PPP1R10: variants seen among roughly 807,000 people sequenced by gnomAD.
PPP1R10 encodes serine/threonine-protein phosphatase 1 regulatory subunit 10.
PPP1R10 carries 15 observed loss-of-function variants against 99.0 expected under a neutral mutation model. The ratio of observed to expected loss-of-function variants is 0.15; its 90% CI spans 0.10 to 0.23. The LOEUF (loss-of-function observed/expected upper bound fraction) is 0.23, where lower values mean the gene tolerates loss of function less well. Among genes scored for constraint, PPP1R10 ranks in the 10% least tolerant of loss-of-function variants. The probability of loss-of-function intolerance (pLI) is 1.00; values close to 1 mark genes in which losing one functional copy is unlikely to be tolerated. For synonymous variants in PPP1R10, 430 were observed against 449.5 expected (o/e 0.96, Z 0.55); for missense variants, 947 against 1,259.4 (o/e 0.75, Z 3.75).
At chr6:30,603,714 T>C (rs1200995041) in intron 15 of PPP1R10, 48 bp from the exon 16 acceptor site, 1 of 1,551,986 alleles carries the variant, frequency 6.4e-7, no homozygotes, top group African/African-American at 1.4e-5. Flanking sequence ...AGAGACATTC[T>C]CATATGAAAG....
intron 2 of PPP1R10, among the ~76,000 whole-genome samples, chr6:30,610,585 G>A (rs1034803398): frequency 6.6e-6 from 1 of 152,218 alleles, no homozygotes; most frequent in African/African-American, 2.4e-5. Context: ...GTAGGTGCCA[G>A]AGATTGAGAC....
At chr6:30,605,179 G>A (rs1803802177) in intron 10 of PPP1R10, 85 bp from the exon 11 acceptor site, 4 of 1,238,034 alleles carry the variant, frequency 3.2e-6, no homozygotes, top group Non-Finnish European at 4.6e-6. Flanking sequence ...CATAAAATGA[G>A]CCAGTGAAGA....
At position 30,604,507 on chromosome 6, in the gene PPP1R10, A is replaced by C. The variant is rs1561834433; in HGVS notation, c.1107T>G (p.Ser369=). The change falls in exon 13 of 20, where the codon TCT becomes TCG. Residue 369 remains serine, a synonymous_variant. Transcript: ENST00000376511. This position sits in a 1 kb window ranked among gnomAD's most constrained non-coding sequence, Gnocchi z 7.3. ...TGGCATCCAGAGCTCCTGGCTCCAA[A>C]GAGGCTGGAAGCAGAAGAGGTTTCA... ...VEVPELMDTA[S]LEPGALDAKP... is the part of the protein sequence containing the mutation. The C allele has an allele frequency of 6.2e-7, 1 of 1,612,992 alleles. No individual in the cohort carries two copies. Among genetic ancestry groups the C allele is most frequent in the South Asian group, 1.1e-5 (1 of 91,084 alleles).
At position 30,609,968 on chromosome 6, in the gene PPP1R10, G is replaced by A. The variant is rs1209445712; in HGVS notation, c.-11-13C>T. The A allele has an allele frequency of 3.8e-6, 6 of 1,580,488 alleles. No homozygotes were observed. Among genetic ancestry groups the A allele is most frequent in the South Asian group, 1.1e-5 (1 of 90,352 alleles). ...ATGATGGTGGTTTCTATGGTAAGAG[G>A]ACAAAACAAACAAACCCACAGAATA... On this transcript the variant is annotated splice_polypyrimidine_tract_variant and intron_variant, in intron 2 of 19. Transcript: ENST00000376511. The surrounding 1 kb of genome is among the most constrained non-coding windows in gnomAD (Gnocchi z 4.5).
At chr6:30,615,897 A>G (rs1003230535) in intron 2 of PPP1R10, among the ~76,000 whole-genome samples, 4 of 152,212 alleles carry the variant, frequency 2.6e-5, no homozygotes, top group African/African-American at 9.7e-5. Flanking sequence ...ATATACCCCA[A>G]GCAAATTACA....
intron 2 of PPP1R10, among the ~76,000 whole-genome samples, chr6:30,614,375 C>T (rs1804867636): frequency 6.6e-6 from 1 of 152,094 alleles, no homozygotes; most frequent in African/African-American, 2.4e-5. Flanking sequence ...CTTGATTCCC[C>T]CTGCCTTGAG....
rs765250971 is a variant in PPP1R10, at chr6:30,603,817, T to C, written c.1535A>G (p.Tyr512Cys). Reference protein sequence around the residue: ...ESPHEPDPEPYEPIPPKLIPL... With the variant: ...ESPHEPDPEPCEPIPPKLIPL... ...GATGAGTTTAGGGGGTATGGGCTCGTAGGGCTCAGGATCAGGCTCATGAGG... is the reference window on the plus strand; with the variant it reads ...GATGAGTTTAGGGGGTATGGGCTCGCAGGGCTCAGGATCAGGCTCATGAGG... The change falls in exon 15 of 20, where the codon TAC (tyrosine) becomes TGC (cysteine). Residue 512 changes from tyrosine to cysteine, a missense_variant. Tyr to Cys is a radical substitution (Grantham distance 194). Around this residue, in one of 10 missense-constraint regions of PPP1R10, gnomAD observed 525 missense variants for 578.8 expected, o/e 0.91. Coordinates refer to ENST00000376511, the MANE Select transcript of PPP1R10 (RefSeq NM_002714.4). The C allele has an allele frequency of 1.3e-6, 2 of 1,540,046 alleles. No individual in the cohort carries two copies. Among genetic ancestry groups the C allele is most frequent in the East Asian group, 4.5e-5 (2 of 44,242 alleles).
At chr6:30,610,766 C>A (rs59607822) in intron 2 of PPP1R10, among the ~76,000 whole-genome samples, 50 of 152,126 alleles carry the variant, frequency 3.3e-4, no homozygotes, top group Non-Finnish European at 6.2e-4. Context: ...TCACGCTGTA[C>A]AAGATCCCCT....
chr6:30,602,603 G>A lies in PPP1R10; in HGVS notation c.2046C>T (p.Gly682=). 4.4e-6 allele frequency: 7 copies of A among 1,576,810 alleles called. No homozygotes were observed. The highest frequency in any genetic ancestry group is 1.9e-5 in the Admixed American group (1 of 53,316). ...GGCCACCCCGCATAGGGTCGCCCGG[G>A]CCATCCCAGAAGGGATCACCTCCCC... ...PPRGGDPFWD[G]PGDPMRGGPM... Residue 682 remains glycine, a synonymous_variant, in exon 19 of 20, where the codon GGC becomes GGT. Transcript: ENST00000376511. The surrounding 1 kb of genome is among the most constrained non-coding windows in gnomAD (Gnocchi z 6.7).
Position 30,603,235 on chromosome 6 carries a change from A to C in PPP1R10, c.1818T>G (p.Tyr606Ter). Residue 606 changes from tyrosine (Y) to a stop codon, truncating the protein, a stop_gained, in exon 17 of 20, where the codon TAT becomes TAG. Transcript: ENST00000376511. LOFTEE classifies it high-confidence loss of function. ...PSEELLKQPD[Y>*]SDKIKQMLVP... Reference sequence around the variant, plus strand: ...CCAGCATCTGCTTGATCTTGTCCGAATAGTCTGGTTGTTTCAGTAGTTCCT... The same window carrying C: ...CCAGCATCTGCTTGATCTTGTCCGACTAGTCTGGTTGTTTCAGTAGTTCCT... The C allele has an allele frequency of 6.2e-7, 1 of 1,613,834 alleles. No homozygotes were observed. The highest frequency in any genetic ancestry group is 8.5e-7 in the Non-Finnish European group (1 of 1,179,768).
rs746265654 is a variant in PPP1R10, at chr6:30,602,194, G to A, written c.2455C>T (p.Pro819Ser). The A allele has an allele frequency of 1.2e-5, 20 of 1,610,956 alleles. No individual in the cohort carries two copies. The highest frequency in any genetic ancestry group is 1.7e-5 in the Admixed American group (1 of 59,726). Residue 819 changes from proline to serine, a missense_variant, in exon 19 of 20, where the codon CCT becomes TCT. By Grantham distance (74) the Pro-to-Ser change is moderately conservative. This residue lies in a region of PPP1R10 where 525 missense variants were observed against 578.8 expected (regional missense o/e 0.91). Coordinates refer to ENST00000376511, the MANE Select transcript of PPP1R10 (RefSeq NM_002714.4). The surrounding 1 kb of genome is among the most constrained non-coding windows in gnomAD (Gnocchi z 6.7). ...CCACCGGCACCCATTCCTCCGCCAG[G>A]GCCTTCATGGGGACGATGGCCACTG... The part of the protein sequence containing the change: ...GGSGHRPHEG[P>S]GGGMGAGGGH...
intron 10 of PPP1R10, 131 bp from the exon 11 acceptor site, chr6:30,605,225 G>T: frequency 1.4e-6 from 1 of 725,210 alleles, no homozygotes; most frequent in South Asian, 1.8e-5. Flanking sequence ...AGCTCAAGAG[G>T]ACCAGGAAGC....
chr6:30,613,722 G>A (rs1804786138), intron 2 of PPP1R10, among the ~76,000 whole-genome samples: 1 of 152,180 alleles, frequency 6.6e-6, no homozygotes, highest in African/African-American at 2.4e-5. Context: ...TCCCCTAGTA[G>A]ACCTGGCTTC....
chr6:30,603,401 T>C, intron 16 of PPP1R10, 71 bp downstream of exon 16: 2 of 1,587,440 alleles, frequency 1.3e-6, no homozygotes, highest in Admixed American at 1.7e-5. Context: ...GTAAGGCGAA[T>C]GGGAGACAGT....
At chr6:30,608,645 C>A in intron 5 of PPP1R10, 134 bp downstream of exon 5, 1 of 1,179,804 alleles carries the variant, frequency 8.5e-7, no homozygotes, top group Non-Finnish European at 1.2e-6. Flanking sequence ...AAGTCTTCTT[C>A]TTCTAAATTC....
At position 30,602,204 on chromosome 6, in the gene PPP1R10, G is replaced by A. The variant is rs1582635897; in HGVS notation, c.2445C>T (p.Pro815=). The change falls in exon 19 of 20, where the codon CCC becomes CCT. Residue 815 remains proline (P), a synonymous_variant. Coordinates refer to ENST00000376511, the MANE Select transcript of PPP1R10 (RefSeq NM_002714.4). This position sits in a 1 kb window ranked among gnomAD's most constrained non-coding sequence, Gnocchi z 6.7. ...GGISGGSGHR[P]HEGPGGGMGA... The stretch of plus-strand genomic sequence containing the variant: ...CCATTCCTCCGCCAGGGCCTTCATG[G>A]GGACGATGGCCACTGCCACCACTGA... The A allele has an allele frequency of 1.2e-6, 2 of 1,610,354 alleles. No individual in the cohort carries two copies. The highest frequency in any genetic ancestry group is 1.7e-6 in the Non-Finnish European group (2 of 1,178,932).
At chr6:30,611,779 A>G (rs6457249) in intron 2 of PPP1R10, among the ~76,000 whole-genome samples, 6,743 of 152,180 alleles carry the variant, frequency 0.044, 274 homozygotes, top group African/African-American at 0.11. Flanking sequence ...AAATGTTGAG[A>G]AGTCGCTGCT....
chr6:30,614,628 G>A (rs1350191876), intron 2 of PPP1R10: 5 of 152,160 alleles, frequency 3.3e-5, no homozygotes, highest in African/African-American at 1.2e-4. Context: ...ACACTTCAGT[G>A]TCATTAGGCC....
At chr6:30,614,682 A>G (rs1180082306) in intron 2 of PPP1R10, 1 of 151,908 alleles carries the variant, frequency 6.6e-6, no homozygotes, top group Non-Finnish European at 1.5e-5. Flanking sequence ...TGTCTTTCCC[A>G]TCTCCCTCTA....
Sources: gnomAD v4.1 joint callset for allele counts (sites outside exome capture counted in the v4.1 genomes callset) on GRCh38, gnomAD v4.1.1 for gene constraint, gnomAD v4.1.1 regional missense constraint, Gnocchi (gnomAD v3.1) non-coding constraint, MANE v1.5 for transcripts, NCBI Gene and HGNC (gene_info 2026-07-23, HGNC 2026-07-21) for gene names.